The following SAMD4B variants were observed in gnomAD, a reference collection of about 807,000 sequenced individuals.
The protein encoded by SAMD4B is sterile alpha motif domain containing 4B.
SAMD4B carries 5 observed loss-of-function variants against 74.5 expected under a neutral mutation model. That is an observed-to-expected ratio of 0.07 (90% CI 0.04 to 0.14). The LOEUF is 0.14. Ranked by LOEUF, SAMD4B falls within the 10% of genes least tolerant of loss-of-function variation. The pLI, the probability that SAMD4B is intolerant of heterozygous loss-of-function variation, is 1.00. For synonymous variants in SAMD4B, 373 were observed against 374.9 expected (o/e 1.00, Z 0.06); for missense variants, 608 against 921.8 (o/e 0.66, Z 4.41).
At chr19:39,369,438 A>AC (rs2077161279) in intron 3 of SAMD4B, 1 of 571,268 alleles carries the variant, frequency 1.8e-6, no homozygotes, top group Non-Finnish European at 3.1e-6. Context: ...ACATAGTGAG[A>AC]CCCCATCTCT....
At chr19:39,386,089 C>CGCTGCG (rs1568371866), downstream of SAMD4B, 6 of 1,614,016 alleles carry the variant, frequency 3.7e-6, no homozygotes, top group Non-Finnish European at 5.1e-6. The surrounding 1 kb of genome is among the most constrained non-coding windows in gnomAD (Gnocchi z 6.1). Context: ...AAGGGACTGG[C>CGCTGCG]GCTGCGGCTG....
Position 39,381,263 on chromosome 19 carries a change from G to A in SAMD4B, c.1972+150G>A, listed in dbSNP as rs972096828. On this transcript the variant is annotated intron_variant, in intron 12 of 13. Transcript: ENST00000610417. ...CACTCTGCACCCATCTCCCCCAATT[G>A]TGGGGGGTTGTTTTCCTCCTCTGCT... 5 of 914,610 alleles carry A rather than the reference G, an allele frequency of 5.5e-6. No individual in the cohort carries two copies. In the African/African-American group the frequency reaches 6.7e-5, roughly 12 times the overall value. 56.7% of individuals were successfully genotyped at this position (914,610 alleles called of 1,614,324 possible). A position where few individuals can be genotyped will look rare whatever the true frequency, so the allele number is the denominator to read the frequency against.
rs1323045297 is a variant in SAMD4B at position 39,375,347 on chromosome 19, G to A, written c.668-303G>A. Among the ~76,000 whole-genome samples, 1 of 152,224 alleles carries A rather than the reference G, an allele frequency of 6.6e-6. No individual in the cohort carries two copies. Among genetic ancestry groups the A allele is most frequent in the East Asian group, 1.9e-4 (1 of 5,206 alleles). On this transcript the variant is annotated intron_variant, in intron 4 of 13. Coordinates refer to ENST00000610417, the MANE Select transcript of SAMD4B (RefSeq NM_001384574.2). The surrounding 1 kb of genome is among the most constrained non-coding windows in gnomAD (Gnocchi z 4.1). ...GTTGTGAGGGGCGTGGACTGTAGGAGGCAAGAGTGAAGGCAGGAAACCAAT... is the reference window on the plus strand; with the variant it reads ...GTTGTGAGGGGCGTGGACTGTAGGAAGCAAGAGTGAAGGCAGGAAACCAAT...
intron 3 of SAMD4B, among the ~76,000 whole-genome samples, chr19:39,362,516 A>T (rs922978910): frequency 6.6e-6 from 1 of 152,128 alleles, no homozygotes; most frequent in Non-Finnish European, 1.5e-5. Flanking sequence ...AGAAACAGAA[A>T]AGCAATATTC....
chr19:39,346,384 A>C (rs2075702409), intron 1 of SAMD4B, among the ~76,000 whole-genome samples: 1 of 152,204 alleles, frequency 6.6e-6, no homozygotes, highest in South Asian at 2.1e-4. Flanking sequence ...TCTCTCACCC[A>C]TGGTATCTCT....
At chr19:39,353,536 G>A (rs30454) in intron 1 of SAMD4B, among the ~76,000 whole-genome samples, 42,851 of 151,866 alleles carry the variant, frequency 0.28, 11,704 homozygotes, top group African/African-American at 0.72. Flanking sequence ...ACATATTACT[G>A]TGTAGCTTAT....
chr19:39,368,193 G>A (rs556110377), intron 3 of SAMD4B, among the ~76,000 whole-genome samples: 3 of 152,056 alleles, frequency 2.0e-5, no homozygotes, highest in Middle Eastern at 3.4e-3. Flanking sequence ...CAGCCTGGGC[G>A]ACAGAGCGAG....
At chr19:39,365,025 G>T (rs576747421) in intron 3 of SAMD4B, among the ~76,000 whole-genome samples, 70 of 149,542 alleles carry the variant, frequency 4.7e-4, no homozygotes, top group African/African-American at 1.7e-3. Context: ...GGATCACGAG[G>T]TCAGGAGATC....
rs1250814796 is a variant in SAMD4B at position 39,375,544 on chromosome 19, G to T, written c.668-106G>T. ...TTGGACCCCAGGTCCCTTCCTCTTG[G>T]CAGGTTATGGGGCCAAACTGCCATC... On this transcript the variant is annotated intron_variant, in intron 4 of 13. Transcript: ENST00000610417. This position sits in a 1 kb window ranked among gnomAD's most constrained non-coding sequence, Gnocchi z 4.1. The T allele has an allele frequency of 1.4e-6, 2 of 1,441,668 alleles. No individual in the cohort carries two copies. Among genetic ancestry groups the T allele is most frequent in the Non-Finnish European group, 1.9e-6 (2 of 1,060,146 alleles). The allele number at this position is 1,441,668 out of a possible 1,614,324, so 89.3% of individuals were successfully genotyped here.
chr19:39,388,258 G>A (rs973753358), downstream of SAMD4B: 2 of 1,393,362 alleles, frequency 1.4e-6, no homozygotes, highest in Admixed American at 1.7e-5. Context: ...AGGTACAAAT[G>A]ACCTCCAAGG....
intron 3 of SAMD4B, among the ~76,000 whole-genome samples, chr19:39,358,243 C>T (rs896692262): frequency 3.9e-5 from 6 of 152,190 alleles, no homozygotes; most frequent in African/African-American, 1.4e-4. Flanking sequence ...TGCACTCCAG[C>T]CTGGGCTATG....
chr19:39,377,109 C>G (rs1278434854), intron 7 of SAMD4B, among the ~76,000 whole-genome samples: 3 of 152,204 alleles, frequency 2.0e-5, no homozygotes, highest in Non-Finnish European at 1.5e-5. Flanking sequence ...TCTGTACAAT[C>G]TCTCTTTCCA....
chr19:39,363,866 C>CT (rs1471998054), intron 3 of SAMD4B, among the ~76,000 whole-genome samples: 2 of 152,224 alleles, frequency 1.3e-5, no homozygotes, highest in African/African-American at 4.8e-5. Context: ...TGGGCCTCTG[C>CT]TGTGCCTCCA....
chr19:39,371,008 T>C (rs2077262434), intron 4 of SAMD4B, among the ~76,000 whole-genome samples: 1 of 152,178 alleles, frequency 6.6e-6, no homozygotes, highest in Non-Finnish European at 1.5e-5. Flanking sequence ...TTGAAAGAGC[T>C]CTCTTAGTAA....
chr19:39,343,939 G>A (rs565216884), intron 1 of SAMD4B, among the ~76,000 whole-genome samples: 42 of 148,216 alleles, frequency 2.8e-4, no homozygotes, highest in Non-Finnish European at 5.5e-4. Context: ...CTGTAAGACC[G>A]TAAGATTCTC....
chr19:39,360,622 G>A (rs1179872207), intron 3 of SAMD4B, among the ~76,000 whole-genome samples: 3 of 152,158 alleles, frequency 2.0e-5, no homozygotes, highest in Admixed American at 2.0e-4. Context: ...AGAAGCAGGT[G>A]CCTCCTGTTT....
rs73547916 is a variant in SAMD4B, at chr19:39,378,407, T to G, written c.1445-97T>G. 40,478 of 1,014,068 alleles carry G rather than the reference T, an allele frequency of 0.04. 1,292 individuals carry two copies. Among genetic ancestry groups the G allele is most frequent in the African/African-American group, 0.13 (8,247 of 62,918 alleles). 62.8% of individuals were successfully genotyped at this position (1,014,068 alleles called of 1,614,324 possible). Reference sequence around the variant, plus strand: ...ATAGTTGATATTCATCCAGCCTGAGTCTCCTGTTCCTTCTTGTGCACGAGC... The same window carrying G: ...ATAGTTGATATTCATCCAGCCTGAGGCTCCTGTTCCTTCTTGTGCACGAGC... On this transcript the variant is annotated intron_variant, in intron 8 of 13. Transcript: ENST00000610417. The surrounding 1 kb of genome is among the most constrained non-coding windows in gnomAD (Gnocchi z 4.4).
chr19:39,388,756 A>G (rs202179033), downstream of SAMD4B: 1 of 1,612,204 alleles, frequency 6.2e-7, no homozygotes, highest in African/African-American at 1.3e-5. Flanking sequence ...CAGCAGGACC[A>G]CCTACCTAAT....
chr19:39,369,988 G>A lies in SAMD4B; in HGVS notation c.530G>A (p.Gly177Asp). 1 of 1,613,220 alleles carries A rather than the reference G, an allele frequency of 6.2e-7. No homozygotes were observed. Among genetic ancestry groups the A allele is most frequent in the Non-Finnish European group, 8.5e-7 (1 of 1,179,682 alleles). The change falls in exon 4 of 14, where the codon GGC becomes GAC. Residue 177 changes from glycine (G) to aspartate (D), a missense_variant. Gly to Asp is a moderately conservative substitution (Grantham distance 94). Around this residue, in one of 9 missense-constraint regions of SAMD4B, gnomAD observed 153 missense variants for 153.0 expected, o/e 1.00. Transcript: ENST00000610417. The stretch of plus-strand genomic sequence containing the variant: ...CGTCAAGGCTCAGATGAGTGGGGGG[G>A]CCCTGCAGAGCTAGGCCCTGGGGAG... ...HSRQGSDEWG[G>D]PAELGPGEAG...
Sources: allele counts gnomAD v4.1 joint callset (sites outside exome capture counted in the v4.1 genomes callset), GRCh38; gene constraint gnomAD v4.1.1; regional missense constraint gnomAD v4.1.1; non-coding constraint Gnocchi (gnomAD v3.1); transcripts MANE v1.5; gene names NCBI Gene and HGNC (gene_info 2026-07-23, HGNC 2026-07-21).